Variants in SPATA13 observed in about 807,000 individuals in gnomAD.
SPATA13 encodes the protein spermatogenesis-associated protein 13.
A neutral mutation model predicts 104.0 loss-of-function variants in SPATA13; 50 were observed. The observed-to-expected ratio is 0.48, with a 90% CI of 0.38 to 0.61. The LOEUF (loss-of-function observed/expected upper bound fraction) is 0.61, where lower values mean the gene tolerates loss of function less well. Among genes scored for constraint, SPATA13 ranks in the 20% least tolerant of loss-of-function variants. The pLI is 0.00. For missense variants in SPATA13, 1,524 were observed against 1,690.6 expected (o/e 0.90, Z 1.73); for synonymous variants, 606 against 667.5 (o/e 0.91, Z 1.42).
chr13:24,232,543 T>A (rs866540845), intron 2 of SPATA13, among the ~76,000 whole-genome samples: 1 of 152,228 alleles, frequency 6.6e-6, no homozygotes. Context: ...TTAAATTTTT[T>A]AATATTTTTC....
intron 3 of SPATA13, among the ~76,000 whole-genome samples, chr13:24,059,242 A>T (rs1242426414): frequency 6.6e-6 from 1 of 151,640 alleles, no homozygotes; most frequent in Non-Finnish European, 1.5e-5. Context: ...AAGTGCTGGG[A>T]TTACAGGTGT....
intron 3 of SPATA13, among the ~76,000 whole-genome samples, chr13:24,048,698 A>G (rs1299171132): frequency 6.6e-6 from 1 of 152,130 alleles, no homozygotes; most frequent in Non-Finnish European, 1.5e-5. Flanking sequence ...AAGATAAATA[A>G]ATTGTATAAA....
chr13:24,135,379 A>G (rs1462466216), intron 3 of SPATA13, among the ~76,000 whole-genome samples: 1 of 152,042 alleles, frequency 6.6e-6, no homozygotes, highest in Admixed American at 6.5e-5. Flanking sequence ...AAAATTATAT[A>G]ATGTGCCTCA....
intron 1 of SPATA13, among the ~76,000 whole-genome samples, chr13:23,980,838 C>T (rs2137645867): frequency 6.6e-6 from 1 of 152,260 alleles, no homozygotes; most frequent in Non-Finnish European, 1.5e-5. Flanking sequence ...GTGATCCGCC[C>T]GCCTCGGCCT....
At chr13:24,055,659 T>G (rs1398108439) in intron 3 of SPATA13, among the ~76,000 whole-genome samples, 1 of 152,196 alleles carries the variant, frequency 6.6e-6, no homozygotes, top group Non-Finnish European at 1.5e-5. Flanking sequence ...AGCTCTCAGG[T>G]GCTGTGGGAC....
chr13:24,162,679 G>C (rs1470882360), intron 1 of SPATA13, among the ~76,000 whole-genome samples: 1 of 152,176 alleles, frequency 6.6e-6, no homozygotes. Context: ...AGGGCTTAAC[G>C]TGCATCAGTA....
rs1019696033 is a variant in SPATA13, at chr13:24,133,246, T to C, written c.-111-89573T>C. On this transcript the variant is annotated intron_variant, in intron 3 of 14. Transcript: ENST00000424834. ...CCACAGAACTTCCTCTCTGCACAGG[T>C]TGAAGGGAAAGAGAAATGTGAAACA... Among the ~76,000 whole-genome samples the C allele has an allele frequency of 5.3e-5, 8 of 152,078 alleles. No homozygotes were observed. The South Asian group carries it at 6.2e-4, about 12-fold the overall frequency.
At chr13:24,080,687 G>A (rs969026860) in intron 3 of SPATA13, among the ~76,000 whole-genome samples, 1 of 152,194 alleles carries the variant, frequency 6.6e-6, no homozygotes, top group Non-Finnish European at 1.5e-5. Flanking sequence ...CAGTGACACT[G>A]TATGACATAT....
chr13:24,123,042 A>G, intron 3 of SPATA13: 1 of 959,892 alleles, frequency 1.0e-6, no homozygotes, highest in Non-Finnish European at 1.7e-6. Context: ...GTTAAATGTC[A>G]TTGCCAAATG....
At chr13:24,001,846 C>T (rs943021906) in intron 2 of SPATA13, among the ~76,000 whole-genome samples, 4 of 151,796 alleles carry the variant, frequency 2.6e-5, no homozygotes, top group East Asian at 1.9e-4. Flanking sequence ...GGAGAGGCTC[C>T]GGCACTGACC....
intron 5 of SPATA13, among the ~76,000 whole-genome samples, chr13:24,284,748 C>T (rs1037555404): frequency 6.6e-6 from 1 of 152,154 alleles, no homozygotes; most frequent in African/African-American, 2.4e-5. Context: ...AGAGGCAGCT[C>T]GTCTTTTTAG....
At chr13:24,129,941 C>T (rs1037148999) in intron 3 of SPATA13, among the ~76,000 whole-genome samples, 8 of 152,330 alleles carry the variant, frequency 5.3e-5, no homozygotes, top group African/African-American at 1.9e-4. Context: ...GTTGCCTGTA[C>T]TGCTCCCGGG....
intron 8 of SPATA13, 30 bp downstream of exon 8, chr13:24,289,208 A>G: frequency 6.4e-7 from 1 of 1,559,198 alleles, no homozygotes; most frequent in Non-Finnish European, 8.7e-7. Flanking sequence ...ATTATTAATA[A>G]CATCTGCTTA....
chr13:24,124,018 C>T (rs9580879), intron 3 of SPATA13, among the ~76,000 whole-genome samples: 1,965 of 152,228 alleles, frequency 0.013, 45 homozygotes, highest in African/African-American at 0.044. Flanking sequence ...CAGCTTGGCT[C>T]CAGCTAGGAA....
Position 23,987,739 on chromosome 13 carries a change from T to C in SPATA13, c.-147+3806T>C, listed in dbSNP as rs140090728. On this transcript the variant is annotated intron_variant, in intron 2 of 14. Coordinates refer to the SPATA13 transcript ENST00000424834. The stretch of plus-strand genomic sequence containing the variant: ...CACCTCCATCCATCTGCAGAACTCT[T>C]TTTATTTTACACAATTGGAATTCCC... Among the ~76,000 whole-genome samples, 3 of 151,220 alleles carry C rather than the reference T, an allele frequency of 2.0e-5. No individual in the cohort carries two copies. The East Asian group carries it at 5.8e-4, about 29-fold the overall frequency.
intron 3 of SPATA13, among the ~76,000 whole-genome samples, chr13:24,024,811 T>A (rs1294465121): frequency 6.6e-6 from 1 of 151,162 alleles, no homozygotes; most frequent in Non-Finnish European, 1.5e-5. Context: ...TGGCCCCAGT[T>A]ACTTGGCAGG....
At chr13:24,282,547 C>G (rs1374948532) in intron 4 of SPATA13, among the ~76,000 whole-genome samples, 1 of 151,954 alleles carries the variant, frequency 6.6e-6, no homozygotes, top group Non-Finnish European at 1.5e-5. Context: ...CTTGGCCTCC[C>G]AACATGGATC....
At chr13:24,062,584 C>G (rs1191166745) in intron 3 of SPATA13, among the ~76,000 whole-genome samples, 1 of 152,124 alleles carries the variant, frequency 6.6e-6, no homozygotes, top group Non-Finnish European at 1.5e-5. Flanking sequence ...ACGAAGGAGC[C>G]TCCATCCAGT....
At chr13:23,979,979 G>C (rs1399141713) in intron 1 of SPATA13, 1 of 152,272 alleles carries the variant, frequency 6.6e-6, no homozygotes, top group East Asian at 1.9e-4. Context: ...GGAGAAGGTA[G>C]AGCCAAGCAG....
Sources: gnomAD v4.1 joint callset for allele counts (sites outside exome capture counted in the v4.1 genomes callset) on GRCh38, gnomAD v4.1.1 for gene constraint, MANE v1.5 for transcripts, NCBI Gene and HGNC (gene_info 2026-07-23, HGNC 2026-07-21) for gene names.